Variants in MAST4 observed in about 807,000 individuals in gnomAD.
MAST4 encodes the protein microtubule-associated serine/threonine-protein kinase 4.
Under a neutral mutation model 162.7 loss-of-function variants are expected in MAST4, and 89 were observed. That is an observed-to-expected ratio of 0.55 (90% CI 0.46 to 0.65). The LOEUF (loss-of-function observed/expected upper bound fraction) is 0.65. MAST4 is among the 30% of genes least tolerant of loss of function. The pLI, the probability that MAST4 is intolerant of heterozygous loss-of-function variation, is 0.00. For synonymous variants in MAST4, 1,479 were observed against 1,361.1 expected (o/e 1.09, Z -1.91); for missense variants, 3,153 against 3,374.0 (o/e 0.93, Z 1.62).
intron 2 of MAST4, among the ~76,000 whole-genome samples, chr5:66,781,986 T>G (rs1239296137): frequency 1.3e-5 from 2 of 152,092 alleles, no homozygotes; most frequent in Admixed American, 1.3e-4. Flanking sequence ...TTCGGGGTGC[T>G]TTGAAAGCAT....
intron 18 of MAST4, among the ~76,000 whole-genome samples, chr5:67,136,110 G>A (rs1289917935): frequency 6.6e-6 from 1 of 152,002 alleles, no homozygotes; most frequent in Non-Finnish European, 1.5e-5. Context: ...AGAACTCTAT[G>A]GCTGTGGCCA....
intron 3 of MAST4, among the ~76,000 whole-genome samples, chr5:66,810,348 G>A (rs1254085637): frequency 1.3e-5 from 2 of 152,122 alleles, no homozygotes; most frequent in East Asian, 1.9e-4. Flanking sequence ...CGTCCCACGC[G>A]GTCACTCAGG....
At chr5:66,700,930 A>G (rs1383399679) in intron 1 of MAST4, among the ~76,000 whole-genome samples, 1 of 147,640 alleles carries the variant, frequency 6.8e-6, no homozygotes, top group African/African-American at 2.5e-5. Context: ...TTTAATATTA[A>G]TATACTGAGA....
At chr5:66,714,908 A>G (rs907859212) in intron 1 of MAST4, among the ~76,000 whole-genome samples, 6 of 152,098 alleles carry the variant, frequency 3.9e-5, no homozygotes, top group Non-Finnish European at 7.4e-5. Flanking sequence ...TCTCACGTAC[A>G]TTCTCTCCTT....
intron 10 of MAST4, among the ~76,000 whole-genome samples, chr5:67,105,733 C>G (rs1373639733): frequency 6.6e-6 from 1 of 152,180 alleles, no homozygotes. Context: ...TGTAAAATTG[C>G]TGTAAGAGTT....
chr5:66,836,055 C>T (rs566392027), intron 3 of MAST4, among the ~76,000 whole-genome samples: 1 of 152,020 alleles, frequency 6.6e-6, no homozygotes, highest in Non-Finnish European at 1.5e-5. Flanking sequence ...CCTGTAGTCC[C>T]AAGTACCTGG....
intron 4 of MAST4, among the ~76,000 whole-genome samples, chr5:67,018,448 G>T (rs539865026): frequency 9.9e-5 from 15 of 152,040 alleles, no homozygotes; most frequent in African/African-American, 3.6e-4. Flanking sequence ...CCGAGAGGTC[G>T]CAGCTGCAGT....
chr5:66,797,620 T>C (rs559662047), intron 3 of MAST4, among the ~76,000 whole-genome samples: 2 of 152,170 alleles, frequency 1.3e-5, no homozygotes, highest in Non-Finnish European at 2.9e-5. Context: ...AGAAGACTTT[T>C]GGGAAATCCA....
chr5:66,698,458 C>T (rs921356854), intron 1 of MAST4, among the ~76,000 whole-genome samples: 4 of 151,558 alleles, frequency 2.6e-5, no homozygotes, highest in African/African-American at 9.7e-5. Context: ...TGCTGCTTCT[C>T]TATCTCTTTT....
At chr5:67,031,770 A>T (rs1461203008) in intron 4 of MAST4, among the ~76,000 whole-genome samples, 1 of 152,142 alleles carries the variant, frequency 6.6e-6, no homozygotes, top group Non-Finnish European at 1.5e-5. Context: ...TGAAGTGAAT[A>T]TTCCTGTCAG....
chr5:66,966,334 A>C (rs912613740), intron 4 of MAST4, among the ~76,000 whole-genome samples: 3 of 152,192 alleles, frequency 2.0e-5, no homozygotes, highest in Non-Finnish European at 4.4e-5. Flanking sequence ...TAAGTGTTTG[A>C]AAAAATGCTT....
intron 1 of MAST4, among the ~76,000 whole-genome samples, chr5:66,643,698 T>C (rs1745633317): frequency 6.6e-6 from 1 of 152,130 alleles, no homozygotes; most frequent in Non-Finnish European, 1.5e-5. Flanking sequence ...AATTTCTTTT[T>C]TTTTAAACAT....
intron 1 of MAST4, among the ~76,000 whole-genome samples, chr5:66,625,628 A>G (rs905465622): frequency 1.3e-5 from 2 of 152,224 alleles, no homozygotes; most frequent in Non-Finnish European, 2.9e-5. Flanking sequence ...AGTCAAAACC[A>G]TAAAAAGAAC....
intron 2 of MAST4, among the ~76,000 whole-genome samples, chr5:66,774,347 GT>G (rs2149644440): frequency 6.6e-6 from 1 of 152,300 alleles, no homozygotes; most frequent in East Asian, 1.9e-4. Context: ...CTGCAGTGGC[GT>G]ATACGTAAAT....
At chr5:66,952,564 G>A (rs889971289) in intron 4 of MAST4, among the ~76,000 whole-genome samples, 43 of 151,852 alleles carry the variant, frequency 2.8e-4, no homozygotes, top group African/African-American at 9.2e-4. Context: ...TCCCTGCTTC[G>A]CCAAATGATA....
intron 4 of MAST4, among the ~76,000 whole-genome samples, chr5:66,933,507 T>C (rs1367748727): frequency 1.3e-5 from 2 of 152,222 alleles, no homozygotes; most frequent in East Asian, 3.8e-4. Flanking sequence ...TGTTTGGGTA[T>C]TCTTATCCTG....
At chr5:66,711,831 C>G (rs534754873) in intron 1 of MAST4, among the ~76,000 whole-genome samples, 6 of 151,972 alleles carry the variant, frequency 3.9e-5, no homozygotes, top group Admixed American at 1.3e-4. Flanking sequence ...TGAGACTCTG[C>G]CCCCCACCCC....
chr5:67,118,325 C>T (rs1336774113), intron 12 of MAST4, among the ~76,000 whole-genome samples: 1 of 152,212 alleles, frequency 6.6e-6, no homozygotes, highest in Non-Finnish European at 1.5e-5. Context: ...TGATGCCCGC[C>T]AGAGCCTGGA....
intron 1 of MAST4, 32 bp downstream of exon 1, chr5:66,597,050 T>C: frequency 7.2e-7 from 1 of 1,396,134 alleles, no homozygotes. Context: ...CCACTCTGGG[T>C]TCCGGCAGCC....
Sources: allele counts gnomAD v4.1 joint callset (sites outside exome capture counted in the v4.1 genomes callset), GRCh38; gene constraint gnomAD v4.1.1; transcripts MANE v1.5; gene names NCBI Gene and HGNC (gene_info 2026-07-23, HGNC 2026-07-21).